The following CHLSN variants were observed in gnomAD, a reference collection of about 807,000 sequenced individuals.
CHLSN encodes the protein protein cholesin.
the CHLSN span, among the ~76,000 whole-genome samples, chr7:999,786 G>A: frequency 6.6e-6 from 1 of 152,224 alleles, no homozygotes; most frequent in African/African-American, 2.4e-5. Context: ...AGCGAGGCAG[G>A]AGGCACTGCC....
chr7:1,021,231 C>A, the CHLSN span: 1 of 285,294 alleles, frequency 3.5e-6, no homozygotes, highest in African/African-American at 2.3e-5. Flanking sequence ...CACGGACCCC[C>A]AGGTTGGGAA....
the CHLSN span, chr7:988,537 G>A: frequency 5.0e-6 from 8 of 1,597,560 alleles, no homozygotes; most frequent in Admixed American, 8.6e-5. Context: ...GAAGGCGGCT[G>A]TGGTGGCTGC....
At chr7:1,070,496 T>C in the CHLSN span, among the ~76,000 whole-genome samples, 1 of 145,952 alleles carries the variant, frequency 6.9e-6, no homozygotes, top group Admixed American at 6.8e-5. Context: ...GGCACACGAA[T>C]GCACGCGCAC....
the CHLSN span, among the ~76,000 whole-genome samples, chr7:1,100,961 G>A: frequency 2.0e-5 from 3 of 152,126 alleles, no homozygotes; most frequent in African/African-American, 4.8e-5. Context: ...TGGCCTAGGC[G>A]GGGTCTGCAA....
At chr7:1,138,072 C>T in the CHLSN span, 1 of 149,966 alleles carries the variant, frequency 6.7e-6, no homozygotes, top group Non-Finnish European at 1.5e-5. Flanking sequence ...TCGCGCCGCG[C>T]CGGGCCTCCG....
the CHLSN span, among the ~76,000 whole-genome samples, chr7:1,015,575 G>A: frequency 2.6e-5 from 4 of 152,358 alleles, no homozygotes; most frequent in African/African-American, 7.2e-5. Context: ...AAGAAAGGAG[G>A]GCAGAGTGGG....
the CHLSN span, among the ~76,000 whole-genome samples, chr7:1,075,281 A>G: frequency 1.3e-5 from 2 of 152,192 alleles, no homozygotes; most frequent in African/African-American, 4.8e-5. Context: ...AGGAAGGCCA[A>G]GGTGGGCGGA....
At chr7:988,372 G>A in the CHLSN span, 161 of 1,612,670 alleles carry the variant, frequency 1.0e-4, no homozygotes, top group African/African-American at 1.8e-3. Flanking sequence ...TCCTGGACGC[G>A]AATGGGCACT....
chr7:1,053,331 A>G, the CHLSN span, among the ~76,000 whole-genome samples: 1 of 152,240 alleles, frequency 6.6e-6, no homozygotes, highest in South Asian at 2.1e-4. Flanking sequence ...CGTCCACAGT[A>G]GAGCCCAGAA....
chr7:1,057,130 A>C, the CHLSN span, among the ~76,000 whole-genome samples: 25,676 of 151,904 alleles, frequency 0.17, 2,318 homozygotes, highest in African/African-American at 0.19. Context: ...AACACCACAG[A>C]CATCTAGTAA....
the CHLSN span, among the ~76,000 whole-genome samples, chr7:996,627 G>A: frequency 5.0e-4 from 76 of 152,250 alleles, no homozygotes; most frequent in African/African-American, 1.8e-3. Context: ...GGACCTCCTC[G>A]CCATGGCCAC....
the CHLSN span, among the ~76,000 whole-genome samples, chr7:1,005,962 C>A: frequency 1.3e-5 from 2 of 152,242 alleles, no homozygotes; most frequent in East Asian, 3.8e-4. Context: ...CGCCACCTGC[C>A]CCCAACGTGA....
the CHLSN span, among the ~76,000 whole-genome samples, chr7:1,124,599 A>G: frequency 6.8e-6 from 1 of 146,112 alleles, no homozygotes; most frequent in Non-Finnish European, 1.5e-5. Context: ...GCATTGGGAG[A>G]TATACCTAAT....
At chr7:1,046,840 C>A in the CHLSN span, among the ~76,000 whole-genome samples, 16 of 152,210 alleles carry the variant, frequency 1.1e-4, no homozygotes, top group Non-Finnish European at 1.8e-4. Flanking sequence ...GCTACCACAG[C>A]TAGTGTGATG....
the CHLSN span, among the ~76,000 whole-genome samples, chr7:1,094,578 ACT>A: frequency 2.2e-4 from 34 of 151,858 alleles, no homozygotes; most frequent in African/African-American, 6.3e-4. Context: ...AGTCCAGGAA[ACT>A]CTCTCCTCCT....
At chr7:982,779 C>T in the CHLSN span, among the ~76,000 whole-genome samples, 1 of 152,346 alleles carries the variant, frequency 6.6e-6, no homozygotes, top group East Asian at 1.9e-4. Flanking sequence ...CTGAGCTCCA[C>T]AGGGTCCCAC....
the CHLSN span, among the ~76,000 whole-genome samples, chr7:1,017,823 C>T: frequency 1.1e-4 from 17 of 152,360 alleles, no homozygotes; most frequent in African/African-American, 4.1e-4. Flanking sequence ...CACACAAGGC[C>T]AGGCGCTCTG....
chr7:985,410 C>T, the CHLSN span: 3 of 1,403,848 alleles, frequency 2.1e-6, no homozygotes, highest in Non-Finnish European at 9.6e-7. Flanking sequence ...AGTGCTGTCC[C>T]CTCTCAGCTT....
At chr7:1,008,266 G>A in the CHLSN span, among the ~76,000 whole-genome samples, 1 of 152,158 alleles carries the variant, frequency 6.6e-6, no homozygotes, top group South Asian at 2.1e-4. Context: ...ACCTGGGCTC[G>A]AGACGCTGCA....
Sources: gnomAD v4.1 joint callset for allele counts (sites outside exome capture counted in the v4.1 genomes callset) on GRCh38, gnomAD v4.1.1 for gene constraint, MANE v1.5 for transcripts, NCBI Gene and HGNC (gene_info 2026-07-23, HGNC 2026-07-21) for gene names.